CADPS: variants seen among roughly 807,000 people sequenced by gnomAD.
CADPS encodes the protein calcium dependent secretion activator.
Under a neutral mutation model 167.3 loss-of-function variants are expected in CADPS, and 57 were observed. The observed-to-expected ratio is 0.34, with a 90% CI of 0.28 to 0.42. The LOEUF (loss-of-function observed/expected upper bound fraction) is 0.42, where lower values mean the gene tolerates loss of function less well. Ranked by LOEUF, CADPS falls within the 20% of genes least tolerant of loss-of-function variation. CADPS has a pLI of 1.00. For synonymous variants in CADPS, 676 were observed against 635.3 expected, an observed-to-expected ratio of 1.06 and a Z score of -0.96; for missense variants, 1,414 against 1,738.1, an observed-to-expected ratio of 0.81 and a Z score of 3.32.
chr3:62,416,646 C>T (rs1354537780), intron 28 of CADPS, among the ~76,000 whole-genome samples: 2 of 152,118 alleles, frequency 1.3e-5, no homozygotes, highest in Non-Finnish European at 2.9e-5. Flanking sequence ...AACATGTGTA[C>T]ATCAGAGACC....
intron 1 of CADPS, among the ~76,000 whole-genome samples, chr3:62,850,190 G>T (rs2078271905): frequency 7.3e-6 from 1 of 136,780 alleles, no homozygotes; most frequent in Admixed American, 7.4e-5. Context: ...CTTGCTAGCG[G>T]TCTATCAATT....
chr3:62,451,754 G>A (rs977184216), intron 26 of CADPS, among the ~76,000 whole-genome samples: 1 of 151,992 alleles, frequency 6.6e-6, no homozygotes, highest in African/African-American at 2.4e-5. Context: ...CACGTCAAAG[G>A]GCTAGCAAAA....
chr3:62,675,154 A>G (rs544990111), intron 3 of CADPS, among the ~76,000 whole-genome samples: 1 of 152,122 alleles, frequency 6.6e-6, no homozygotes, highest in Non-Finnish European at 1.5e-5. Flanking sequence ...TGCTACCTCA[A>G]CATGTAGCTT....
intron 6 of CADPS, among the ~76,000 whole-genome samples, chr3:62,635,269 A>G (rs2066063802): frequency 1.3e-5 from 2 of 152,198 alleles, no homozygotes. Context: ...GTGACATCAC[A>G]TGGCAGGGCA....
intron 2 of CADPS, among the ~76,000 whole-genome samples, chr3:62,761,409 A>G (rs1285110963): frequency 6.6e-6 from 1 of 152,066 alleles, no homozygotes; most frequent in Non-Finnish European, 1.5e-5. Flanking sequence ...CAACAACAAC[A>G]AAAAAACAAC....
At chr3:62,771,234 C>G (rs2088642797) in intron 1 of CADPS, among the ~76,000 whole-genome samples, 1 of 152,106 alleles carries the variant, frequency 6.6e-6, no homozygotes, top group African/African-American at 2.4e-5. Context: ...AATACATGAG[C>G]CTATTAAGGG....
intron 3 of CADPS, among the ~76,000 whole-genome samples, chr3:62,723,219 C>T (rs111920037): frequency 2.6e-5 from 4 of 152,220 alleles, no homozygotes; most frequent in African/African-American, 9.6e-5. Flanking sequence ...TTCTTAAACC[C>T]AGCTGCGAGG....
chr3:62,818,756 C>G (rs577584880), intron 1 of CADPS, among the ~76,000 whole-genome samples: 2 of 152,090 alleles, frequency 1.3e-5, no homozygotes, highest in Non-Finnish European at 2.9e-5. Context: ...TTCCTAATAG[C>G]TAAAAACTGG....
chr3:62,680,166 T>A (rs1352717148), intron 3 of CADPS, among the ~76,000 whole-genome samples: 1 of 151,978 alleles, frequency 6.6e-6, no homozygotes, highest in African/African-American at 2.4e-5. Context: ...CTGCAGAAAT[T>A]GTCCAGGTGA....
intron 2 of CADPS, among the ~76,000 whole-genome samples, chr3:62,756,135 C>T (rs533627127): frequency 6.6e-6 from 1 of 152,036 alleles, no homozygotes; most frequent in South Asian, 2.1e-4. Context: ...CTCACTCAAC[C>T]TCTGCCTCCT....
intron 1 of CADPS, among the ~76,000 whole-genome samples, chr3:62,802,756 A>T (rs1248881359): frequency 6.6e-6 from 1 of 152,184 alleles, no homozygotes; most frequent in African/African-American, 2.4e-5. Flanking sequence ...AGTTTTTCAA[A>T]TCAGGAAACT....
intron 28 of CADPS, among the ~76,000 whole-genome samples, chr3:62,405,739 A>G (rs1252741665): frequency 1.3e-5 from 2 of 152,128 alleles, no homozygotes; most frequent in Non-Finnish European, 2.9e-5. Flanking sequence ...AGTGTAAAAA[A>G]TGTATGATGC....
At chr3:62,716,250 C>T (rs545249964) in intron 3 of CADPS, among the ~76,000 whole-genome samples, 6 of 152,088 alleles carry the variant, frequency 3.9e-5, no homozygotes, top group East Asian at 1.9e-4. Flanking sequence ...CACAAGGTTT[C>T]GCCACGTTGG....
At chr3:62,524,061 T>A (rs1321888829) in intron 13 of CADPS, among the ~76,000 whole-genome samples, 3 of 152,148 alleles carry the variant, frequency 2.0e-5, no homozygotes, top group African/African-American at 7.2e-5. Flanking sequence ...AGACCAAACA[T>A]CCTCTTTTAA....
At chr3:62,599,594 ATTATATATTTATTATATT>A (rs2059416072) in intron 6 of CADPS, among the ~76,000 whole-genome samples, 1 of 91,252 alleles carries the variant, frequency 1.1e-5, no homozygotes, top group Non-Finnish European at 2.0e-5. Context: ...ATATAAATAT[ATTATATATTTATTATATT>A]ATATATAATA....
At chr3:62,851,979 T>C (rs2078694477) in intron 1 of CADPS, among the ~76,000 whole-genome samples, 1 of 150,422 alleles carries the variant, frequency 6.6e-6, no homozygotes, top group Non-Finnish European at 1.5e-5. Context: ...CATTTCTTTT[T>C]ATTCTTTTTT....
At chr3:62,432,058 A>G (rs1403583942) in intron 28 of CADPS, among the ~76,000 whole-genome samples, 1 of 151,850 alleles carries the variant, frequency 6.6e-6, no homozygotes, top group Non-Finnish European at 1.5e-5. Context: ...CCCACCCCCC[A>G]AAACCCTGAA....
intron 1 of CADPS, among the ~76,000 whole-genome samples, chr3:62,831,371 C>T (rs779373203): frequency 6.6e-6 from 1 of 152,216 alleles, no homozygotes; most frequent in African/African-American, 2.4e-5. Flanking sequence ...CTTCAGAAAC[C>T]GTGCTTTTAT....
intron 3 of CADPS, among the ~76,000 whole-genome samples, chr3:62,730,610 G>C (rs2077583838): frequency 6.6e-6 from 1 of 152,162 alleles, no homozygotes. Flanking sequence ...ATTCTGCCAT[G>C]AATATTCTGC....
Sources: gnomAD v4.1 joint callset for allele counts (sites outside exome capture counted in the v4.1 genomes callset) on GRCh38, gnomAD v4.1.1 for gene constraint, MANE v1.5 for transcripts, NCBI Gene and HGNC (gene_info 2026-07-23, HGNC 2026-07-21) for gene names.